Variants in CLDN16 observed in about 807,000 individuals in gnomAD.
The protein encoded by CLDN16 is claudin 16, also known as claudin-16.
In CLDN16, 13 loss-of-function variants were observed where a neutral mutation model predicts 24.6. The observed-to-expected ratio is 0.53, with a 90% CI of 0.34 to 0.84. The LOEUF (loss-of-function observed/expected upper bound fraction) is 0.84. Ranked by LOEUF, CLDN16 falls within the 40% of genes least tolerant of loss-of-function variation. The pLI is 0.01. For synonymous variants in CLDN16, 116 were observed against 106.7 expected, an observed-to-expected ratio of 1.09 and a Z score of -0.54; for missense variants, 298 against 292.7, an observed-to-expected ratio of 1.02 and a Z score of -0.13.
At chr3:190,322,449 A>C, upstream of CLDN16, 1 of 566,736 alleles carries the variant, frequency 1.8e-6, no homozygotes, top group Non-Finnish European at 3.2e-6. Flanking sequence ...ACTGAGACGC[A>C]GAACCGCTGG....
intron 1 of CLDN16, among the ~76,000 whole-genome samples, chr3:190,365,820 G>A (rs1295484612): frequency 2.0e-5 from 3 of 151,666 alleles, no homozygotes; most frequent in Non-Finnish European, 4.4e-5. Context: ...AGCCGACCCA[G>A]TTCTTTTCAG....
At chr3:190,361,535 T>C (rs560987833) in intron 1 of CLDN16, among the ~76,000 whole-genome samples, 2 of 152,062 alleles carry the variant, frequency 1.3e-5, no homozygotes, top group South Asian at 2.1e-4. Flanking sequence ...ACAAATTAGC[T>C]ACAAGATTAG....
chr3:190,396,848 GT>G (rs1467787110), intron 1 of CLDN16, among the ~76,000 whole-genome samples: 1 of 122,060 alleles, frequency 8.2e-6, no homozygotes, highest in Non-Finnish European at 1.7e-5. Context: ...ATAAGTAGAA[GT>G]TTGACAGGTT....
chr3:190,318,059 A>G (rs1489943675), upstream of CLDN16, among the ~76,000 whole-genome samples: 1 of 152,182 alleles, frequency 6.6e-6, no homozygotes, highest in Non-Finnish European at 1.5e-5. Context: ...TCCATATTAA[A>G]TCTTTTACTT....
chr3:190,350,272 G>T (rs1264314305), intron 1 of CLDN16, among the ~76,000 whole-genome samples: 1 of 151,290 alleles, frequency 6.6e-6, no homozygotes, highest in African/African-American at 2.4e-5. Flanking sequence ...TTAGCCCAAA[G>T]TCTGGTGTGA....
chr3:190,328,437 T>C (rs547418248), intron 1 of CLDN16, among the ~76,000 whole-genome samples: 1 of 152,334 alleles, frequency 6.6e-6, no homozygotes, highest in South Asian at 2.1e-4. Context: ...AAAAGAAATA[T>C]GTGTATCTCA....
intron 1 of CLDN16, among the ~76,000 whole-genome samples, chr3:190,394,774 A>G (rs1457290722): frequency 1.3e-5 from 2 of 152,188 alleles, no homozygotes; most frequent in Non-Finnish European, 2.9e-5. Context: ...AACCTTAAAT[A>G]AGAAGTATGT....
chr3:190,297,192 A>C, the CLDN16 span, among the ~76,000 whole-genome samples: 1 of 152,002 alleles, frequency 6.6e-6, no homozygotes, highest in African/African-American at 2.4e-5. Context: ...ATGAAGAACT[A>C]AAATAGCAAA....
At chr3:190,374,269 T>TGTGTG (rs1491378504) in intron 2 of CLDN16, among the ~76,000 whole-genome samples, 2 of 139,300 alleles carry the variant, frequency 1.4e-5, no homozygotes, top group Non-Finnish European at 3.1e-5. Flanking sequence ...CTGAAAAACA[T>TGTGTG]TGTGTGTGTG....
chr3:190,316,963 T>G, the CLDN16 span, among the ~76,000 whole-genome samples: 1 of 152,158 alleles, frequency 6.6e-6, no homozygotes, highest in Non-Finnish European at 1.5e-5. Flanking sequence ...ACTTTTTGCT[T>G]ATTTTGATCT....
At chr3:190,403,181 A>C (rs1418967886) in intron 2 of CLDN16, among the ~76,000 whole-genome samples, 1 of 152,084 alleles carries the variant, frequency 6.6e-6, no homozygotes, top group African/African-American at 2.4e-5. Flanking sequence ...TACCAAAAAA[A>C]GTTAGCTCAT....
chr3:190,298,944 TAA>T, the CLDN16 span, among the ~76,000 whole-genome samples: 30 of 152,210 alleles, frequency 2.0e-4, no homozygotes, highest in African/African-American at 5.5e-4. Context: ...GATATACATA[TAA>T]GAGTTTCTCA....
At chr3:190,395,867 C>T (rs188090967) in intron 1 of CLDN16, among the ~76,000 whole-genome samples, 326 of 150,552 alleles carry the variant, frequency 2.2e-3, no homozygotes, top group African/African-American at 7.7e-3. Context: ...TATATTTACT[C>T]TCTCTCTCTC....
At chr3:190,350,169 T>C (rs1357175130) in intron 1 of CLDN16, among the ~76,000 whole-genome samples, 1 of 147,788 alleles carries the variant, frequency 6.8e-6, no homozygotes, top group Non-Finnish European at 1.5e-5. Flanking sequence ...AAGAATCCAG[T>C]AGAATCCAGT....
upstream of CLDN16, among the ~76,000 whole-genome samples, chr3:190,320,824 T>A (rs1716897847): frequency 6.6e-6 from 1 of 152,106 alleles, no homozygotes; most frequent in African/African-American, 2.4e-5. Context: ...TTCAAGTGAG[T>A]TAAAGGGCAT....
intron 1 of CLDN16, among the ~76,000 whole-genome samples, chr3:190,323,025 C>CACACAA (rs559057976): frequency 3.0e-4 from 45 of 151,534 alleles, no homozygotes; most frequent in African/African-American, 1.1e-3. Flanking sequence ...CACACACACA[C>CACACAA]ACAGACACAC....
At chr3:190,320,764 G>A (rs976177984), upstream of CLDN16, among the ~76,000 whole-genome samples, 2 of 152,044 alleles carry the variant, frequency 1.3e-5, no homozygotes, top group Non-Finnish European at 1.5e-5. Flanking sequence ...CATGCAATGG[G>A]GGCCAGTGGG....
chr3:190,368,816 T>C (rs549985591), intron 1 of CLDN16, among the ~76,000 whole-genome samples: 4 of 152,048 alleles, frequency 2.6e-5, no homozygotes, highest in African/African-American at 9.6e-5. Context: ...ATTCCACCTT[T>C]CCTCTGTATT....
chr3:190,382,627 T>G (rs1718393280), intron 3 of CLDN16, among the ~76,000 whole-genome samples: 1 of 152,128 alleles, frequency 6.6e-6, no homozygotes. Context: ...GGAAAGTCCC[T>G]TCTTAATTGA....
Sources: gnomAD v4.1 joint callset for allele counts (sites outside exome capture counted in the v4.1 genomes callset) on GRCh38, gnomAD v4.1.1 for gene constraint, MANE v1.5 for transcripts, NCBI Gene and HGNC (gene_info 2026-07-23, HGNC 2026-07-21) for gene names.